The following ENTPD7 variants were observed in gnomAD, a reference collection of about 807,000 sequenced individuals.
The protein encoded by ENTPD7 is ectonucleoside triphosphate diphosphohydrolase 7.
A neutral mutation model predicts 77.9 loss-of-function variants in ENTPD7; 53 were observed. That is an observed-to-expected ratio of 0.68 (90% CI 0.55 to 0.85). The LOEUF (loss-of-function observed/expected upper bound fraction) is 0.85, where lower values mean the gene tolerates loss of function less well. Ranked by LOEUF, ENTPD7 falls within the 40% of genes least tolerant of loss-of-function variation. The probability of loss-of-function intolerance (pLI) is 0.00; values close to 1 mark genes in which losing one functional copy is unlikely to be tolerated. For missense variants in ENTPD7, 636 were observed against 743.7 expected, an observed-to-expected ratio of 0.86 and a Z score of 1.68; for synonymous variants, 248 against 274.9, an observed-to-expected ratio of 0.90 and a Z score of 0.97.
chr10:99,689,569 C>T (rs1271286038), intron 7 of ENTPD7, among the ~76,000 whole-genome samples: 1 of 152,140 alleles, frequency 6.6e-6, no homozygotes, highest in Non-Finnish European at 1.5e-5. Flanking sequence ...GATTCAATTC[C>T]ATCTGCAAGA....
rs142718018 is a variant in ENTPD7, at chr10:99,665,440, G to A, written c.191+3812G>A. Among the ~76,000 whole-genome samples the A allele has an allele frequency of 9.9e-4, 151 of 152,148 alleles. 1 individual carries two copies. The East Asian group carries it at 0.019, about 19-fold the overall frequency. The stretch of plus-strand genomic sequence containing the variant: ...TTTTTTGGTCAGAATTGGGACACAT[G>A]CCTACCCTCCTTTTTATTTCTGGAT... On this transcript the variant is annotated intron_variant, in intron 3 of 12. Transcript: ENST00000370489.
intron 3 of ENTPD7, among the ~76,000 whole-genome samples, chr10:99,677,098 G>A (rs1033878066): frequency 6.6e-6 from 1 of 152,174 alleles, no homozygotes; most frequent in African/African-American, 2.4e-5. Context: ...GGCTAGATTG[G>A]TTTCAGGAGC....
chr10:99,710,295 T>C lies in ENTPD7; in HGVS notation c.*5612T>C, dbSNP rs986200405. 6.3e-5 allele frequency: 62 copies of C among 985,336 alleles called. No homozygotes were observed. The African/African-American group carries it at 8.9e-4, about 14-fold the overall frequency. The allele number at this position is 985,336 out of a possible 1,614,324, so 61.0% of individuals were successfully genotyped here. A position where few individuals can be genotyped will look rare whatever the true frequency, so the allele number is the denominator to read the frequency against. ...GATCCCAGACACATACTTTGGTTTC[T>C]AGTGTTTCAGTTACTATGTTGTATT... On this transcript the variant is annotated 3_prime_UTR_variant, in exon 13 of 13. Transcript: ENST00000370489.
chr10:99,702,765 CT>C, intron 12 of ENTPD7, 92 bp downstream of exon 12: 1 of 1,254,688 alleles, frequency 8.0e-7, no homozygotes, highest in Non-Finnish European at 1.1e-6. Context: ...TTTTAACCAG[CT>C]TAGAATAGGT....
chr10:99,688,566 G>C, intron 6 of ENTPD7, 128 bp from the exon 7 acceptor site: 2 of 747,492 alleles, frequency 2.7e-6, no homozygotes, highest in Non-Finnish European at 4.1e-6. Flanking sequence ...TTCCTACATT[G>C]AGAGTATGGA....
In ENTPD7 at chr10:99,710,267, A is replaced by G; in HGVS notation, c.*5584A>G. The G allele has an allele frequency of 2.0e-6, 2 of 985,428 alleles. No homozygotes were observed. Among genetic ancestry groups the G allele is most frequent in the Non-Finnish European group, 2.4e-6 (2 of 829,926 alleles). 61.0% of individuals were successfully genotyped at this position (985,428 alleles called of 1,614,324 possible). A position where few individuals can be genotyped will look rare whatever the true frequency, so the allele number is the denominator to read the frequency against. Reference sequence around the variant, plus strand: ...GCTTCATAAATGTTTTTCTGCAAGCAGGGATCCCAGACACATACTTTGGTT... The same window carrying G: ...GCTTCATAAATGTTTTTCTGCAAGCGGGGATCCCAGACACATACTTTGGTT... On this transcript the variant is annotated 3_prime_UTR_variant, in exon 13 of 13. Transcript: ENST00000370489.
At chr10:99,696,475 T>C (rs2035980989) in intron 9 of ENTPD7, among the ~76,000 whole-genome samples, 1 of 152,270 alleles carries the variant, frequency 6.6e-6, no homozygotes, top group Non-Finnish European at 1.5e-5. Context: ...CATGGAAGTG[T>C]TCAAGACATG....
In ENTPD7 at chr10:99,661,430, G is replaced by A; in HGVS notation, c.9-16G>A. On this transcript the variant is annotated splice_polypyrimidine_tract_variant and intron_variant, in intron 2 of 12. Coordinates refer to ENST00000370489, the MANE Select transcript of ENTPD7 (RefSeq NM_020354.5). ...GTAGAAATGTTTCAGACTTACTAATGTTTGTCTAATTTCAGGATCAGTTTT... is the reference window on the plus strand; with the variant it reads ...GTAGAAATGTTTCAGACTTACTAATATTTGTCTAATTTCAGGATCAGTTTT... 2 of 1,583,646 alleles carry A rather than the reference G, an allele frequency of 1.3e-6. No individual in the cohort carries two copies. The highest frequency in any genetic ancestry group is 2.3e-5 in the East Asian group (1 of 43,736).
chr10:99,667,673 A>C (rs540191188), intron 3 of ENTPD7, among the ~76,000 whole-genome samples: 1 of 152,328 alleles, frequency 6.6e-6, no homozygotes, highest in Admixed American at 6.5e-5. Flanking sequence ...CATGGTTCTC[A>C]CTTGTCTCAG....
At chr10:99,695,196 C>A (rs2035950351) in intron 8 of ENTPD7, among the ~76,000 whole-genome samples, 1 of 152,152 alleles carries the variant, frequency 6.6e-6, no homozygotes, top group Non-Finnish European at 1.5e-5. Flanking sequence ...CCAAACCTGT[C>A]ATAAGGAACC....
In ENTPD7 at chr10:99,710,077, T is replaced by C; in HGVS notation, c.*5394T>C. The C allele has an allele frequency of 1.0e-6, 1 of 985,402 alleles. No individual in the cohort carries two copies. Among genetic ancestry groups the C allele is most frequent in the African/African-American group, 1.7e-5 (1 of 57,356 alleles). The allele number at this position is 985,402 out of a possible 1,614,324, so 61.0% of individuals were successfully genotyped here. On this transcript the variant is annotated 3_prime_UTR_variant, in exon 13 of 13. Coordinates refer to ENST00000370489, the MANE Select transcript of ENTPD7 (RefSeq NM_020354.5). ...ATGACTTCAGGCTAGCATAAAGACATGTCTGCTCCTGAGCCTCTTCTTTTA... is the reference window on the plus strand; with the variant it reads ...ATGACTTCAGGCTAGCATAAAGACACGTCTGCTCCTGAGCCTCTTCTTTTA...
chr10:99,677,667 G>A (rs1439988405), intron 3 of ENTPD7, among the ~76,000 whole-genome samples: 1 of 152,016 alleles, frequency 6.6e-6, no homozygotes, highest in Non-Finnish European at 1.5e-5. Flanking sequence ...GCCCAGCCAA[G>A]TGCTCAGAAG....
At chr10:99,669,813 G>A (rs548021742) in intron 3 of ENTPD7, among the ~76,000 whole-genome samples, 39 of 139,588 alleles carry the variant, frequency 2.8e-4, no homozygotes, top group African/African-American at 9.8e-4. Context: ...GCAGTGGTGC[G>A]ATCTCGGCTC....
At chr10:99,674,833 A>G (rs903585131) in intron 3 of ENTPD7, among the ~76,000 whole-genome samples, 2 of 152,242 alleles carry the variant, frequency 1.3e-5, no homozygotes, top group Non-Finnish European at 2.9e-5. Context: ...CTTAGTGCAA[A>G]TCAAGATAGA....
At position 99,659,736 on chromosome 10, in the gene ENTPD7, C is replaced by G; in HGVS notation, c.-95-126C>G. On this transcript the variant is annotated intron_variant, in intron 1 of 12. Transcript: ENST00000370489. The surrounding 1 kb of genome is among the most constrained non-coding windows in gnomAD (Gnocchi z 4.1). ...GCTCCCAGGATGCCCGGGTAGGGTC[C>G]CCTGGGCCTGAGGAACCAGAGCAGA... The G allele has an allele frequency of 1.8e-6, 1 of 559,170 alleles. No individual in the cohort carries two copies. 34.6% of individuals were successfully genotyped at this position (559,170 alleles called of 1,614,324 possible). A position where few individuals can be genotyped will look rare whatever the true frequency, so the allele number is the denominator to read the frequency against.
chr10:99,690,683 C>G (rs1657228055), intron 7 of ENTPD7, among the ~76,000 whole-genome samples: 1 of 152,058 alleles, frequency 6.6e-6, no homozygotes, highest in South Asian at 2.1e-4. Context: ...GTTGGGATTA[C>G]AGGTGTGCAG....
chr10:99,691,662 C>T (rs2035885643), intron 8 of ENTPD7, 144 bp downstream of exon 8: 2 of 755,770 alleles, frequency 2.6e-6, no homozygotes, highest in Non-Finnish European at 4.1e-6. Flanking sequence ...GAGTAGGTTA[C>T]CTCTCTGAGC....
rs2036361565 is a variant in ENTPD7 at position 99,710,918 on chromosome 10, G to GT, written c.*6236dup. 1.0e-6 allele frequency: 1 copy of GT among 985,274 alleles called. No homozygotes were observed. The highest frequency in any genetic ancestry group is 1.2e-6 in the Non-Finnish European group (1 of 829,782). 61.0% of individuals were successfully genotyped at this position (985,274 alleles called of 1,614,324 possible). A position where few individuals can be genotyped will look rare whatever the true frequency, so the allele number is the denominator to read the frequency against. On this transcript the variant is annotated 3_prime_UTR_variant, in exon 13 of 13. Coordinates refer to ENST00000370489, the MANE Select transcript of ENTPD7 (RefSeq NM_020354.5). Reference sequence around the variant, plus strand: ...CCTTCATGTTTTAAAAACAATGGACGTAAGTGCAGAGAGACCTTTGAAAAT... The same window carrying GT: ...CCTTCATGTTTTAAAAACAATGGACGTTAAGTGCAGAGAGACCTTTGAAAAT...
intron 3 of ENTPD7, among the ~76,000 whole-genome samples, chr10:99,675,554 A>T (rs1360521): frequency 3.6e-5 from 4 of 112,584 alleles, no homozygotes; most frequent in Admixed American, 2.4e-4. Context: ...ATCTTTTTTT[A>T]GGGGGGTGGG....
Sources: allele counts gnomAD v4.1 joint callset (sites outside exome capture counted in the v4.1 genomes callset), GRCh38; gene constraint gnomAD v4.1.1; non-coding constraint Gnocchi (gnomAD v3.1); transcripts MANE v1.5; gene names NCBI Gene and HGNC (gene_info 2026-07-23, HGNC 2026-07-21).